B3GALT1: variants seen among roughly 807,000 people sequenced by gnomAD.
The protein encoded by B3GALT1 is beta-1,3-galactosyltransferase 1.
In B3GALT1, 10 loss-of-function variants were observed where a neutral mutation model predicts 23.2. The observed-to-expected ratio is 0.43, with a 90% CI of 0.27 to 0.73. The LOEUF (loss-of-function observed/expected upper bound fraction) is 0.73. Ranked by LOEUF, B3GALT1 falls within the 30% of genes least tolerant of loss-of-function variation. The pLI, the probability that B3GALT1 is intolerant of heterozygous loss-of-function variation, is 0.21. For synonymous variants in B3GALT1, 156 were observed against 141.5 expected, an observed-to-expected ratio of 1.10 and a Z score of -0.73; for missense variants, 299 against 405.4, an observed-to-expected ratio of 0.74 and a Z score of 2.25.
rs539579856 is a variant in B3GALT1, at chr2:167,308,982, T to C, written c.-511+15648T>C. Among the ~76,000 whole-genome samples the C allele has an allele frequency of 2.4e-4, 37 of 152,238 alleles. No individual in the cohort carries two copies. In the South Asian group the frequency reaches 3.3e-3, roughly 14 times the overall value. On this transcript the variant is annotated intron_variant, in intron 1 of 4. Transcript: ENST00000392690. ...AGTCATATTCATTGTCATAGTGATA[T>C]CGGCAACTTTACCAGTTGCAAATGT... is the stretch of plus-strand genomic sequence containing the variant.
At chr2:167,700,212 C>A (rs1035626443) in intron 3 of B3GALT1, among the ~76,000 whole-genome samples, 1 of 151,878 alleles carries the variant, frequency 6.6e-6, no homozygotes, top group East Asian at 1.9e-4. Flanking sequence ...TCACTGCACT[C>A]GAACCTGGGT....
chr2:167,658,576 A>C (rs1033913716), intron 3 of B3GALT1, among the ~76,000 whole-genome samples: 6 of 152,074 alleles, frequency 3.9e-5, no homozygotes, highest in African/African-American at 1.4e-4. Flanking sequence ...ATTAGTATTT[A>C]TACCACTGAA....
intron 2 of B3GALT1, among the ~76,000 whole-genome samples, chr2:167,499,008 T>C (rs926828835): frequency 1.3e-5 from 2 of 152,124 alleles, no homozygotes; most frequent in Non-Finnish European, 2.9e-5. Context: ...CCTGGGGAAT[T>C]TTGTTGGTCG....
chr2:167,715,354 A>C (rs1413486575), intron 3 of B3GALT1: 20 of 1,613,790 alleles, frequency 1.2e-5, no homozygotes, highest in Non-Finnish European at 1.7e-5. Context: ...TATTAAGTTC[A>C]GTCACTTGTT....
intron 2 of B3GALT1, among the ~76,000 whole-genome samples, chr2:167,563,403 CG>C (rs1318901625): frequency 7.6e-6 from 1 of 131,304 alleles, no homozygotes; most frequent in Admixed American, 7.2e-5. Flanking sequence ...GCTGGCCGGG[CG>C]GGGGGCTGAC....
At chr2:167,795,460 G>A (rs1574266166) in intron 3 of B3GALT1, among the ~76,000 whole-genome samples, 1 of 152,148 alleles carries the variant, frequency 6.6e-6, no homozygotes, top group African/African-American at 2.4e-5. Context: ...AATTGCCCTT[G>A]TATTTGCCTG....
intron 2 of B3GALT1, among the ~76,000 whole-genome samples, chr2:167,559,688 T>G (rs532034180): frequency 6.6e-6 from 1 of 152,004 alleles, no homozygotes; most frequent in South Asian, 2.1e-4. Flanking sequence ...TGCGATCAAC[T>G]GGAAGAAAGG....
intron 1 of B3GALT1, among the ~76,000 whole-genome samples, chr2:167,362,414 C>T (rs1431854739): frequency 6.6e-6 from 1 of 152,124 alleles, no homozygotes; most frequent in Non-Finnish European, 1.5e-5. Context: ...TGTTATCTTT[C>T]ATTTTCATTT....
intron 3 of B3GALT1, chr2:167,714,497 G>C: frequency 1.9e-6 from 3 of 1,609,202 alleles, no homozygotes; most frequent in East Asian, 2.2e-5. Context: ...CTGACCCAAC[G>C]GTGAGGGACC....
At chr2:167,372,659 C>G (rs1238513839) in intron 1 of B3GALT1, among the ~76,000 whole-genome samples, 1 of 151,630 alleles carries the variant, frequency 6.6e-6, no homozygotes, top group Non-Finnish European at 1.5e-5. Flanking sequence ...AATTAGCATA[C>G]AAAAATCAGT....
chr2:167,423,932 G>A (rs1216810257), intron 1 of B3GALT1, among the ~76,000 whole-genome samples: 1 of 152,098 alleles, frequency 6.6e-6, no homozygotes, highest in Admixed American at 6.5e-5. Context: ...TGCCTTTCCT[G>A]CCTAGCTCCA....
chr2:167,480,951 T>C (rs1699556996), intron 1 of B3GALT1, among the ~76,000 whole-genome samples: 1 of 152,180 alleles, frequency 6.6e-6, no homozygotes, highest in Admixed American at 6.5e-5. Context: ...GCATCACTTA[T>C]CTTTTCCACC....
chr2:167,497,252 G>A (rs1369525406), intron 2 of B3GALT1, among the ~76,000 whole-genome samples: 6 of 144,800 alleles, frequency 4.1e-5, no homozygotes, highest in East Asian at 2.4e-4. Context: ...GATGGGCAAC[G>A]GTTACAGTAT....
chr2:167,439,356 T>G (rs569698948), intron 1 of B3GALT1, among the ~76,000 whole-genome samples: 1 of 152,298 alleles, frequency 6.6e-6, no homozygotes, highest in Non-Finnish European at 1.5e-5. Flanking sequence ...TTGTCAACTG[T>G]TCTTTTTTCT....
intron 1 of B3GALT1, among the ~76,000 whole-genome samples, chr2:167,303,682 C>CACACAGAGAG (rs535369991): frequency 0.013 from 1,900 of 148,668 alleles, 17 homozygotes; most frequent in African/African-American, 0.015. Context: ...CACACACACA[C>CACACAGAGAG]AGAGAGAGAC....
intron 3 of B3GALT1, among the ~76,000 whole-genome samples, chr2:167,692,849 C>G (rs1686735692): frequency 1.3e-5 from 2 of 151,988 alleles, no homozygotes; most frequent in Non-Finnish European, 2.9e-5. Flanking sequence ...TATTTTAACT[C>G]AGTGAATTCT....
intron 3 of B3GALT1, among the ~76,000 whole-genome samples, chr2:167,721,881 G>A (rs1052922093): frequency 6.6e-6 from 1 of 152,210 alleles, no homozygotes; most frequent in African/African-American, 2.4e-5. Context: ...TCAGGGACTG[G>A]CATTTGCCAC....
chr2:167,512,614 ATATATACGTG>A lies in B3GALT1; in HGVS notation c.-410+22344_-410+22353del, dbSNP rs1165677947. Among the ~76,000 whole-genome samples the A allele has an allele frequency of 5.0e-4, 46 of 91,556 alleles. 5 individuals are homozygous for A. The East Asian group carries it at 0.02, about 41-fold the overall frequency. 60.1% of individuals were successfully genotyped at this position (91,556 alleles called of 152,430 possible). A position where few individuals can be genotyped will look rare whatever the true frequency, so the allele number is the denominator to read the frequency against. On this transcript the variant is annotated intron_variant, in intron 2 of 4. Transcript: ENST00000392690. ...TATGTGTATATATATATATGTATAT[ATATATACGTG>A]TATATATATATACATATATATATAT...
intron 3 of B3GALT1, chr2:167,715,896 A>G: frequency 1.2e-6 from 2 of 1,611,852 alleles, no homozygotes; most frequent in Non-Finnish European, 8.5e-7. Flanking sequence ...CCACAAAAAA[A>G]GGAGAACAAC....
Sources: gnomAD v4.1 joint callset for allele counts (sites outside exome capture counted in the v4.1 genomes callset) on GRCh38, gnomAD v4.1.1 for gene constraint, MANE v1.5 for transcripts, NCBI Gene and HGNC (gene_info 2026-07-23, HGNC 2026-07-21) for gene names.